The following LYZL6 variants were observed in gnomAD, a reference collection of about 807,000 sequenced individuals.
LYZL6 encodes lysozyme-like protein 6.
Under a neutral mutation model 15.0 loss-of-function variants are expected in LYZL6, and 21 were observed. The observed-to-expected ratio is 1.40, with a 90% CI of 1.00 to 2.02. LYZL6 has a LOEUF of 2.02. Ranked by LOEUF, LYZL6 falls within the 30% of genes most tolerant of loss-of-function variation. LYZL6 has a pLI of 0.00. For synonymous variants in LYZL6, 72 were observed against 67.8 expected (o/e 1.06, Z -0.31); for missense variants, 173 against 180.5 (o/e 0.96, Z 0.24).
chr17:35,936,134 AT>A (rs1428361697), intron 4 of LYZL6, among the ~76,000 whole-genome samples: 2 of 152,172 alleles, frequency 1.3e-5, no homozygotes, highest in African/African-American at 4.8e-5. Context: ...AAATAAAAAA[AT>A]ATTGTCAATT....
chr17:35,935,214 G>A (rs925831971), intron 4 of LYZL6, among the ~76,000 whole-genome samples: 1 of 151,240 alleles, frequency 6.6e-6, no homozygotes, highest in African/African-American at 2.4e-5. Context: ...CATAATCATC[G>A]CTGTCAATTC....
Position 35,937,757 on chromosome 17 carries a change from C to A in LYZL6, c.298+1G>T, listed in dbSNP as rs201666254. ...CTCCCACCCTGGGGCCCTGGCCAGA[C>A]CTTGACAGTCTACGTGGCAAAGGTT... On this transcript the variant is annotated splice_donor_variant, in intron 3 of 4. Transcript: ENST00000615905. LOFTEE classifies it high-confidence loss of function. 16 of 1,613,844 alleles carry A rather than the reference C, an allele frequency of 9.9e-6. No individual in the cohort carries two copies. The highest frequency in any genetic ancestry group is 8.3e-5 in the Admixed American group (5 of 59,998).
Position 35,937,752 on chromosome 17 carries a change from C to T in LYZL6, c.298+6G>A. The T allele has an allele frequency of 6.2e-7, 1 of 1,613,478 alleles. No homozygotes were observed. Among genetic ancestry groups the T allele is most frequent in the Non-Finnish European group, 8.5e-7 (1 of 1,179,628 alleles). On this transcript the variant is annotated splice_donor_region_variant and intron_variant, in intron 3 of 4. Coordinates refer to ENST00000615905, the MANE Select transcript of LYZL6 (RefSeq NM_020426.4). ...CATCTCTCCCACCCTGGGGCCCTGGCCAGACCTTGACAGTCTACGTGGCAA... is the reference window on the plus strand; with the variant it reads ...CATCTCTCCCACCCTGGGGCCCTGGTCAGACCTTGACAGTCTACGTGGCAA...
chr17:35,937,795 CTTATAATCG>C lies in LYZL6; in HGVS notation c.252_260del (p.Asn84_Tyr86del). On this transcript the variant is annotated inframe_deletion, in exon 3 of 5. Transcript: ENST00000615905. ...CGTGGCAAAGGTTTTCCGAGTAACT[CTTATAATCG>C]TTGCACCAGTAGTGGCTGTTGATCT... 6.2e-7 allele frequency: 1 copy of C among 1,614,172 alleles called. No homozygotes were observed. The highest frequency in any genetic ancestry group is 8.5e-7 in the Non-Finnish European group (1 of 1,180,032).
rs202115367 is a variant in LYZL6 at position 35,937,804 on chromosome 17, G to A, written c.252C>T (p.Asn84=). The A allele has an allele frequency of 5.2e-4, 838 of 1,614,016 alleles. No homozygotes were observed. The highest frequency in any genetic ancestry group is 1.2e-3 in the Middle Eastern group (7 of 6,084). Residue 84 remains asparagine, a synonymous_variant, in exon 3 of 5, where the codon AAC becomes AAT. Transcript: ENST00000615905. ...GGTTTTCCGAGTAACTCTTATAATC[G>A]TTGCACCAGTAGTGGCTGTTGATCT... The part of the protein sequence containing the change: ...LFQINSHYWC[N]DYKSYSENLC...
At position 35,936,819 on chromosome 17, in the gene LYZL6, T is replaced by G; in HGVS notation, c.313A>C (p.Asn105His). ...HVDCQDLLNP[N>H]LLAGIHCAKR... ...GCGCAGTGGATGCCTGCAAGAAGGT[T>G]GGGATTCAGCAGATCTGAAAGGGAG... The change falls in exon 4 of 5, where the codon AAC becomes CAC. Residue 105 changes from asparagine to histidine, a missense_variant. Transcript: ENST00000615905. The G allele has an allele frequency of 6.2e-7, 1 of 1,613,724 alleles. No individual in the cohort carries two copies. Among genetic ancestry groups the G allele is most frequent in the Non-Finnish European group, 8.5e-7 (1 of 1,179,996 alleles).
Position 35,937,917 on chromosome 17 carries a change from C to T in LYZL6, c.140-1G>A, listed in dbSNP as rs1276867480. On this transcript the variant is annotated splice_acceptor_variant, in intron 2 of 4. Transcript: ENST00000615905. LOFTEE classifies it high-confidence loss of function. Reference sequence around the variant, plus strand: ...CTTTCCACAAAAGCCAGGCACAGCCCTTAGAGTAGGGAGAAGAAGGTCAGG... The same window carrying T: ...CTTTCCACAAAAGCCAGGCACAGCCTTTAGAGTAGGGAGAAGAAGGTCAGG... The T allele has an allele frequency of 1.2e-6, 2 of 1,613,096 alleles. No individual in the cohort carries two copies. The highest frequency in any genetic ancestry group is 1.7e-6 in the Non-Finnish European group (2 of 1,179,930).
At chr17:35,938,072 C>T (rs1157297908) in intron 2 of LYZL6, among the ~76,000 whole-genome samples, 156 bp from the exon 3 acceptor site, 1 of 152,166 alleles carries the variant, frequency 6.6e-6, no homozygotes, top group Non-Finnish European at 1.5e-5. Flanking sequence ...GACTTGCCCT[C>T]TTATCCTGTG....
chr17:35,934,701 T>C lies in LYZL6; in HGVS notation c.*95A>G. The C allele has an allele frequency of 8.4e-7, 1 of 1,188,410 alleles. No individual in the cohort carries two copies. Among genetic ancestry groups the C allele is most frequent in the Non-Finnish European group, 1.2e-6 (1 of 814,012 alleles). The allele number at this position is 1,188,410 out of a possible 1,614,324, so 73.6% of individuals were successfully genotyped here. ...AGTTGTAAATGGGAAGGGAAGAAAA[T>C]AACATGAAGTGGAGGCAGTAGGAAG... On this transcript the variant is annotated 3_prime_UTR_variant, in exon 5 of 5. Coordinates refer to ENST00000615905, the MANE Select transcript of LYZL6 (RefSeq NM_020426.4).
rs142538161 is a variant in LYZL6 at position 35,942,210 on chromosome 17, C to T, written c.-203+1357G>A. Among the ~76,000 whole-genome samples the T allele has an allele frequency of 1.8e-3, 271 of 152,328 alleles. 2 individuals carry two copies. The highest frequency in any genetic ancestry group is 6.3e-3 in the African/African-American group (263 of 41,560). The stretch of plus-strand genomic sequence containing the variant: ...AGGCATGGTGGCTCATGCCTGTAAT[C>T]CGAGCACTTTGGGAGGCTGAGGTGA... On this transcript the variant is annotated intron_variant, in intron 1 of 4. Transcript: ENST00000615905.
rs778018131 is a variant in LYZL6 at position 35,934,703 on chromosome 17, A to G, written c.*93T>C. On this transcript the variant is annotated 3_prime_UTR_variant, in exon 5 of 5. Coordinates refer to ENST00000615905, the MANE Select transcript of LYZL6 (RefSeq NM_020426.4). ...TTGTAAATGGGAAGGGAAGAAAATA[A>G]CATGAAGTGGAGGCAGTAGGAAGAA... 2.5e-6 allele frequency: 3 copies of G among 1,199,616 alleles called. No individual in the cohort carries two copies. The highest frequency in any genetic ancestry group is 3.7e-6 in the Non-Finnish European group (3 of 821,520). The allele number at this position is 1,199,616 out of a possible 1,614,324, so 74.3% of individuals were successfully genotyped here.
Position 35,939,379 on chromosome 17 carries a change from C to CT in LYZL6, c.-24dup. The stretch of plus-strand genomic sequence containing the variant: ...CATCCTTGGAGGGGAGGAGGTGCAG[C>CT]TGAGGGCTGATGGTTCTTAGGGTCT... On this transcript the variant is annotated 5_prime_UTR_variant, in exon 2 of 5. Coordinates refer to ENST00000615905, the MANE Select transcript of LYZL6 (RefSeq NM_020426.4). 1 of 1,612,574 alleles carries CT rather than the reference C, an allele frequency of 6.2e-7. No individual in the cohort carries two copies. Among genetic ancestry groups the CT allele is most frequent in the Non-Finnish European group, 8.5e-7 (1 of 1,178,982 alleles).
chr17:35,935,010 C>G lies in LYZL6; in HGVS notation c.378-145G>C. ...AGCCCTCTGGTCTGTCCTCCACTGT[C>G]CCCTCTGACGAATCCTGTAAAACTC... On this transcript the variant is annotated intron_variant, in intron 4 of 4. Coordinates refer to ENST00000615905, the MANE Select transcript of LYZL6 (RefSeq NM_020426.4). 4.5e-6 allele frequency: 3 copies of G among 666,380 alleles called. No homozygotes were observed. In the South Asian group the frequency reaches 5.7e-5, roughly 13 times the overall value. The allele number at this position is 666,380 out of a possible 1,614,324, so 41.3% of individuals were successfully genotyped here. A position where few individuals can be genotyped will look rare whatever the true frequency, so the allele number is the denominator to read the frequency against.
In LYZL6 at chr17:35,934,626, T is replaced by G. The variant is rs1598703323; in HGVS notation, c.*170A>C. 3 of 600,216 alleles carry G rather than the reference T, an allele frequency of 5.0e-6. No homozygotes were observed. In the East Asian group the frequency reaches 8.5e-5, roughly 17 times the overall value. 37.2% of individuals were successfully genotyped at this position (600,216 alleles called of 1,614,324 possible). On this transcript the variant is annotated 3_prime_UTR_variant, in exon 5 of 5. Transcript: ENST00000615905. The stretch of plus-strand genomic sequence containing the variant: ...CCAGGGGACTGGGTCCAGATGGGAG[T>G]AAGGAGGAAGCCAAGAAAACCATTT...
rs532572764 is a variant in LYZL6 at position 35,936,947 on chromosome 17, C to G, written c.299-114G>C. On this transcript the variant is annotated intron_variant, in intron 3 of 4. Coordinates refer to ENST00000615905, the MANE Select transcript of LYZL6 (RefSeq NM_020426.4). ...GCCACCTAGAGGCTTCCAGTTGAGG[C>G]AAAGGCTGTCTCCCAGGGGGCCCAT... 3.1e-4 allele frequency: 261 copies of G among 854,786 alleles called. 4 individuals are homozygous for G. The South Asian group carries it at 3.6e-3, about 12-fold the overall frequency. 53.0% of individuals were successfully genotyped at this position (854,786 alleles called of 1,614,324 possible).
rs889612513 is a variant in LYZL6, at chr17:35,934,544, C to A, written c.*252G>T. 6.0e-6 allele frequency: 3 copies of A among 497,248 alleles called. No homozygotes were observed. The highest frequency in any genetic ancestry group is 6.1e-5 in the South Asian group (2 of 32,886). The allele number at this position is 497,248 out of a possible 1,614,324, so 30.8% of individuals were successfully genotyped here. On this transcript the variant is annotated 3_prime_UTR_variant, in exon 5 of 5. Coordinates refer to ENST00000615905, the MANE Select transcript of LYZL6 (RefSeq NM_020426.4). ...TTGCAGAGCGAGTGCTTTAATATTT[C>A]GATAAATATAAAGATTTCTTTATTG...
Position 35,934,757 on chromosome 17 carries a change from G to A in LYZL6, c.*39C>T. 1.3e-6 allele frequency: 2 copies of A among 1,577,066 alleles called. No homozygotes were observed. The highest frequency in any genetic ancestry group is 2.2e-5 in the South Asian group (2 of 90,150). Reference sequence around the variant, plus strand: ...ATGAAGAATCCCTGAGTGAGGACAGGAGTCTTGGAATGACTCCACGGTGCA... The same window carrying A: ...ATGAAGAATCCCTGAGTGAGGACAGAAGTCTTGGAATGACTCCACGGTGCA... On this transcript the variant is annotated 3_prime_UTR_variant, in exon 5 of 5. Transcript: ENST00000615905.
chr17:35,938,115 A>G (rs866771023), intron 2 of LYZL6, among the ~76,000 whole-genome samples, 199 bp from the exon 3 acceptor site: 7 of 152,192 alleles, frequency 4.6e-5, no homozygotes, highest in Admixed American at 2.6e-4. Flanking sequence ...ACAATTACTC[A>G]TCTGTCCATC....
intron 2 of LYZL6, among the ~76,000 whole-genome samples, chr17:35,938,616 T>TA (rs11434843): frequency 0.1 from 10,417 of 101,602 alleles, 472 homozygotes; most frequent in Middle Eastern, 0.17. Context: ...AGACTCTGTC[T>TA]AAAAAAAAAA....
Sources: allele counts gnomAD v4.1 joint callset (sites outside exome capture counted in the v4.1 genomes callset), GRCh38; gene constraint gnomAD v4.1.1; transcripts MANE v1.5; gene names NCBI Gene and HGNC (gene_info 2026-07-23, HGNC 2026-07-21).